The following PCDH9 variants were observed in gnomAD, a reference collection of about 807,000 sequenced individuals.
PCDH9 encodes protocadherin-9.
In PCDH9, 24 loss-of-function variants were observed where a neutral mutation model predicts 70.6. The ratio of observed to expected loss-of-function variants is 0.34; its 90% CI spans 0.25 to 0.48. The LOEUF (loss-of-function observed/expected upper bound fraction) is 0.48. Ranked by LOEUF, PCDH9 falls within the 20% of genes least tolerant of loss-of-function variation. The pLI is 0.99. For synonymous variants in PCDH9, 562 were observed against 558.5 expected (o/e 1.01, Z -0.09); for missense variants, 1,281 against 1,503.6 (o/e 0.85, Z 2.45).
At chr13:66,435,509 C>T (rs1212237092) in intron 4 of PCDH9, among the ~76,000 whole-genome samples, 1 of 152,074 alleles carries the variant, frequency 6.6e-6, no homozygotes, top group Non-Finnish European at 1.5e-5. Flanking sequence ...GTTTCAAAGT[C>T]ACTAATATGT....
chr13:66,793,717 G>A (rs551956622), intron 3 of PCDH9, among the ~76,000 whole-genome samples: 12 of 152,198 alleles, frequency 7.9e-5, no homozygotes, highest in African/African-American at 2.9e-4. Context: ...TTGACTAGTA[G>A]AACCTATTTT....
At chr13:66,507,453 T>C (rs1217769251) in intron 4 of PCDH9, among the ~76,000 whole-genome samples, 1 of 152,190 alleles carries the variant, frequency 6.6e-6, no homozygotes, top group Non-Finnish European at 1.5e-5. Context: ...CTCTACTGTT[T>C]CTGGCCTATC....
chr13:67,121,418 A>G (rs2086876139), intron 2 of PCDH9, among the ~76,000 whole-genome samples: 2 of 152,192 alleles, frequency 1.3e-5, no homozygotes, highest in Admixed American at 1.3e-4. Flanking sequence ...GTGTTCTGCC[A>G]GAGAATTACA....
chr13:66,774,175 C>A (rs2079854233), intron 3 of PCDH9, among the ~76,000 whole-genome samples: 1 of 152,106 alleles, frequency 6.6e-6, no homozygotes, highest in South Asian at 2.1e-4. Flanking sequence ...AGAATACAAC[C>A]CTTCCTGAGT....
intron 2 of PCDH9, among the ~76,000 whole-genome samples, chr13:67,027,406 CA>C (rs1254339434): frequency 6.6e-6 from 1 of 152,162 alleles, no homozygotes. Flanking sequence ...ACACCTTATA[CA>C]AAAATTAATT....
chr13:66,627,000 A>G (rs2077508435), intron 4 of PCDH9, among the ~76,000 whole-genome samples: 1 of 144,658 alleles, frequency 6.9e-6, no homozygotes, highest in Admixed American at 6.9e-5. Flanking sequence ...TAGAAGCAAT[A>G]ACCTATATTA....
At chr13:66,631,498 C>T (rs1057151648) in intron 3 of PCDH9, 87 bp from the exon 4 acceptor site, 2 of 731,880 alleles carry the variant, frequency 2.7e-6, no homozygotes, top group East Asian at 2.6e-5. Context: ...ACACTTTCAA[C>T]AAGTAACACA....
At chr13:66,730,591 G>T (rs1196782782) in intron 3 of PCDH9, among the ~76,000 whole-genome samples, 2 of 151,918 alleles carry the variant, frequency 1.3e-5, no homozygotes. Context: ...TTCCATGAGG[G>T]TGGAGCATAT....
At chr13:66,701,203 T>C (rs530997178) in intron 3 of PCDH9, among the ~76,000 whole-genome samples, 1 of 151,846 alleles carries the variant, frequency 6.6e-6, no homozygotes, top group African/African-American at 2.4e-5. Context: ...TTGAATAGTC[T>C]TGGATGCTTT....
At chr13:67,033,983 T>C (rs1388958439) in intron 2 of PCDH9, among the ~76,000 whole-genome samples, 1 of 152,052 alleles carries the variant, frequency 6.6e-6, no homozygotes, top group Non-Finnish European at 1.5e-5. Flanking sequence ...ATTGTGTTTT[T>C]TTGTTTGTTT....
At chr13:66,616,910 A>G (rs1022108003) in intron 4 of PCDH9, among the ~76,000 whole-genome samples, 5 of 152,136 alleles carry the variant, frequency 3.3e-5, no homozygotes, top group African/African-American at 1.2e-4. Flanking sequence ...CTCAATTCCA[A>G]GCTTCAGGTC....
chr13:66,460,729 T>C (rs747914880), intron 4 of PCDH9, among the ~76,000 whole-genome samples: 3 of 151,808 alleles, frequency 2.0e-5, no homozygotes, highest in Non-Finnish European at 2.9e-5. Flanking sequence ...GAGACAAGTA[T>C]AGCTACTGAG....
chr13:67,010,629 T>C (rs1051773782), intron 2 of PCDH9, among the ~76,000 whole-genome samples: 4 of 152,036 alleles, frequency 2.6e-5, no homozygotes, highest in African/African-American at 9.7e-5. Flanking sequence ...TTCTGTTCTA[T>C]TTGCCATACT....
At chr13:66,784,292 T>A (rs1435954962) in intron 3 of PCDH9, among the ~76,000 whole-genome samples, 1 of 152,136 alleles carries the variant, frequency 6.6e-6, no homozygotes, top group Admixed American at 6.6e-5. Context: ...TTATGAGACA[T>A]CTGAAATTTT....
chr13:67,202,380 T>G (rs1450684166), intron 2 of PCDH9: 1 of 152,182 alleles, frequency 6.6e-6, no homozygotes, highest in African/African-American at 2.4e-5. Context: ...AAACCTATTA[T>G]AATGTGAACT....
intron 2 of PCDH9, among the ~76,000 whole-genome samples, chr13:67,063,265 A>C (rs961404348): frequency 2.6e-5 from 4 of 152,102 alleles, no homozygotes; most frequent in African/African-American, 9.7e-5. Flanking sequence ...CCAGCCCAGC[A>C]GGGATAAACC....
chr13:67,198,253 T>C (rs181498343), intron 2 of PCDH9, among the ~76,000 whole-genome samples: 1 of 151,962 alleles, frequency 6.6e-6, no homozygotes, highest in Non-Finnish European at 1.5e-5. Flanking sequence ...TTTACCTTAG[T>C]ATGCATCTTA....
intron 2 of PCDH9, among the ~76,000 whole-genome samples, chr13:66,953,327 T>C (rs542161872): frequency 6.6e-6 from 1 of 152,330 alleles, no homozygotes; most frequent in East Asian, 1.9e-4. Context: ...GAGTCAGTTA[T>C]CTAGCTGGAT....
intron 3 of PCDH9, among the ~76,000 whole-genome samples, chr13:66,806,700 G>A (rs930008960): frequency 2.6e-5 from 4 of 152,010 alleles, no homozygotes; most frequent in East Asian, 1.9e-4. Context: ...CTCTAAGTTC[G>A]GTATGTAAAA....
Sources: gnomAD v4.1 joint callset for allele counts (sites outside exome capture counted in the v4.1 genomes callset) on GRCh38, gnomAD v4.1.1 for gene constraint, MANE v1.5 for transcripts, NCBI Gene and HGNC (gene_info 2026-07-23, HGNC 2026-07-21) for gene names.